Variants in CDYL2 observed in about 807,000 individuals in gnomAD.
CDYL2 encodes chromodomain Y-like protein 2.
A neutral mutation model predicts 49.4 loss-of-function variants in CDYL2; 23 were observed. The observed-to-expected ratio is 0.47, with a 90% confidence interval of 0.34 to 0.66. The LOEUF (loss-of-function observed/expected upper bound fraction) is 0.66, where lower values mean the gene tolerates loss of function less well. Ranked by LOEUF, CDYL2 falls within the 30% of genes least tolerant of loss-of-function variation. The pLI is 0.01. For synonymous variants in CDYL2, 360 were observed against 268.8 expected (o/e 1.34, Z -3.32); for missense variants, 678 against 656.4 (o/e 1.03, Z -0.36).
At chr16:80,663,114 C>G (rs1345128050) in intron 2 of CDYL2, among the ~76,000 whole-genome samples, 1 of 97,778 alleles carries the variant, frequency 1.0e-5, no homozygotes, top group Non-Finnish European at 3.0e-5. Flanking sequence ...GGGTCTCCTT[C>G]TAGCCCCCTA....
chr16:80,649,492 C>A (rs1243685756), intron 2 of CDYL2, among the ~76,000 whole-genome samples: 1 of 151,714 alleles, frequency 6.6e-6, no homozygotes, highest in African/African-American at 2.4e-5. Flanking sequence ...AAGAGGACGC[C>A]AAAAACTATT....
intron 2 of CDYL2, among the ~76,000 whole-genome samples, chr16:80,638,983 A>C (rs74028372): frequency 0.05 from 7,655 of 152,196 alleles, 651 homozygotes; most frequent in African/African-American, 0.18. Context: ...TTTAAATTGG[A>C]CATTACAAAG....
chr16:80,769,637 C>A (rs1360842597), intron 1 of CDYL2, among the ~76,000 whole-genome samples: 1 of 152,180 alleles, frequency 6.6e-6, no homozygotes, highest in African/African-American at 2.4e-5. Context: ...TCCCAGCTCC[C>A]TTCCTCCCCA....
At position 80,620,935 on chromosome 16, in the gene CDYL2, T is replaced by C. The variant is rs1204680992; in HGVS notation, c.835A>G (p.Ile279Val). ...AGCGCTCGCCGGACTTCTTTCATGA[T>C]CTGCCGGCAGAGATGAATTTGCAGG... ...TSDNNALTPE[I>V]MKEVRRALCN... Residue 279 changes from isoleucine (I) to valine (V), a missense_variant and splice_region_variant, in exon 4 of 7, where the codon ATC (isoleucine) becomes GTC (valine). Ile to Val is a conservative substitution (Grantham distance 29). Transcript: ENST00000570137. 1.9e-6 allele frequency: 3 copies of C among 1,592,940 alleles called. No homozygotes were observed. The highest frequency in any genetic ancestry group is 2.6e-6 in the Non-Finnish European group (3 of 1,165,772).
At chr16:80,789,725 G>T (rs1010468345) in intron 1 of CDYL2, among the ~76,000 whole-genome samples, 8 of 152,080 alleles carry the variant, frequency 5.3e-5, no homozygotes, top group Non-Finnish European at 1.2e-4. Context: ...ATATCATGCA[G>T]CCATTAAAAA....
intron 1 of CDYL2, among the ~76,000 whole-genome samples, chr16:80,709,052 T>C (rs1048366568): frequency 1.3e-5 from 2 of 152,100 alleles, no homozygotes; most frequent in African/African-American, 4.8e-5. Flanking sequence ...GAAATACAAA[T>C]AGAAAAGCAC....
intron 1 of CDYL2, among the ~76,000 whole-genome samples, chr16:80,701,717 G>C (rs1904301825): frequency 6.6e-6 from 1 of 152,196 alleles, no homozygotes; most frequent in Non-Finnish European, 1.5e-5. Context: ...AAGTTGGTTT[G>C]CAACAAACTG....
chr16:80,671,981 CA>C (rs1384169526), intron 2 of CDYL2, among the ~76,000 whole-genome samples: 1 of 152,142 alleles, frequency 6.6e-6, no homozygotes, highest in Non-Finnish European at 1.5e-5. Flanking sequence ...ATACCTTATC[CA>C]AAATGTGTGG....
rs1371988270 is a variant in CDYL2, at chr16:80,664,075, T to A, written c.616+20463A>T. On this transcript the variant is annotated intron_variant, in intron 2 of 6. Transcript: ENST00000570137. ...ATGTGGCAAAATATTCTGTAGGGTA[T>A]CAAAGTATAAAGTGATTTCCTTTAA... Among the ~76,000 whole-genome samples, 3 of 152,324 alleles carry A rather than the reference T, an allele frequency of 2.0e-5. No individual in the cohort carries two copies. The South Asian group carries it at 6.2e-4, about 32-fold the overall frequency.
intron 1 of CDYL2, among the ~76,000 whole-genome samples, chr16:80,712,424 G>A (rs1904650850): frequency 2.6e-5 from 4 of 151,792 alleles, no homozygotes; most frequent in Admixed American, 2.6e-4. Context: ...CAACATTGCT[G>A]GTCCCTGGCT....
rs1157292409 is a variant in CDYL2, at chr16:80,657,025, C to CAG, written c.617-23791_617-23790dup. On this transcript the variant is annotated intron_variant, in intron 2 of 6. Coordinates refer to ENST00000570137, the MANE Select transcript of CDYL2 (RefSeq NM_152342.4). ...CAGGTAGAGGCGAACACAAAACTATCAGAGAGAGAGAGAAGGAACGAGAAA... is the reference window on the plus strand; with the variant it reads ...CAGGTAGAGGCGAACACAAAACTATCAGAGAGAGAGAGAGAAGGAACGAGAAA... 1.6e-4 allele frequency among the ~76,000 whole-genome samples: 24 copies of CAG among 152,052 alleles called. No homozygotes were observed. The South Asian group carries it at 4.8e-3, about 30-fold the overall frequency.
At chr16:80,719,339 C>T (rs925131500) in intron 1 of CDYL2, among the ~76,000 whole-genome samples, 1 of 152,174 alleles carries the variant, frequency 6.6e-6, no homozygotes, top group East Asian at 1.9e-4. Context: ...GCCTCCGTTT[C>T]TCCATTTGTA....
At chr16:80,680,753 A>G (rs1909937370) in intron 2 of CDYL2, among the ~76,000 whole-genome samples, 1 of 152,194 alleles carries the variant, frequency 6.6e-6, no homozygotes, top group Non-Finnish European at 1.5e-5. Context: ...AGATGGATCT[A>G]TGAACCATCT....
intron 1 of CDYL2, among the ~76,000 whole-genome samples, chr16:80,747,429 G>A (rs187127611): frequency 2.2e-3 from 338 of 152,212 alleles, no homozygotes; most frequent in African/African-American, 7.1e-3. Context: ...AGAAGATATC[G>A]CATGCAAAGG....
rs1211358459 is a variant in CDYL2 at position 80,759,150 on chromosome 16, A to ATATATATATAT, written c.24+44999_24+45000insATATATATATA. Among the ~76,000 whole-genome samples the ATATATATATAT allele has an allele frequency of 4.9e-5, 4 of 80,836 alleles. No homozygotes were observed. In the East Asian group the frequency reaches 1.3e-3, roughly 26 times the overall value. The allele number at this position is 80,836 out of a possible 152,430, so 53.0% of individuals were successfully genotyped here. A position where few individuals can be genotyped will look rare whatever the true frequency, so the allele number is the denominator to read the frequency against. ...TATATATATATATATGGTTTATATA[A>ATATATATATAT]ATATATGGTTTATATATATATATAT... On this transcript the variant is annotated intron_variant, in intron 1 of 6. Coordinates refer to ENST00000570137, the MANE Select transcript of CDYL2 (RefSeq NM_152342.4).
intron 1 of CDYL2, among the ~76,000 whole-genome samples, chr16:80,772,653 G>C (rs151121888): frequency 0.024 from 3,587 of 151,976 alleles, 87 homozygotes; most frequent in Non-Finnish European, 0.042. Flanking sequence ...GGGTTTCACC[G>C]TGTTAGCCAG....
intron 1 of CDYL2, among the ~76,000 whole-genome samples, chr16:80,727,378 C>G (rs867506008): frequency 6.6e-6 from 1 of 152,224 alleles, no homozygotes; most frequent in Non-Finnish European, 1.5e-5. Context: ...CCGAATACTG[C>G]GCTTTTCCGA....
intron 1 of CDYL2, among the ~76,000 whole-genome samples, chr16:80,786,192 G>A (rs1048131616): frequency 6.6e-6 from 1 of 152,168 alleles, no homozygotes; most frequent in Non-Finnish European, 1.5e-5. Context: ...CACAATGGGA[G>A]AAAATTTTTG....
At chr16:80,618,091 T>G (rs1353805023) in intron 4 of CDYL2, among the ~76,000 whole-genome samples, 1 of 152,218 alleles carries the variant, frequency 6.6e-6, no homozygotes, top group East Asian at 1.9e-4. Context: ...TGCTAGTTCA[T>G]GAACTAGCAA....
Sources: gnomAD v4.1 joint callset for allele counts (sites outside exome capture counted in the v4.1 genomes callset) on GRCh38, gnomAD v4.1.1 for gene constraint, MANE v1.5 for transcripts, NCBI Gene and HGNC (gene_info 2026-07-23, HGNC 2026-07-21) for gene names.